The following FOCAD variants were observed in gnomAD, a reference collection of about 807,000 sequenced individuals.
FOCAD encodes the protein focadhesin.
Under a neutral mutation model 225.6 loss-of-function variants are expected in FOCAD, and 198 were observed. The observed-to-expected ratio is 0.88, with a 90% CI of 0.78 to 0.99. The LOEUF (loss-of-function observed/expected upper bound fraction) is 0.99, where lower values mean the gene tolerates loss of function less well. FOCAD is among the 50% of genes least tolerant of loss of function. The probability of loss-of-function intolerance (pLI) is 0.00; values close to 1 mark genes in which losing one functional copy is unlikely to be tolerated. For synonymous variants in FOCAD, 897 were observed against 755.0 expected, an observed-to-expected ratio of 1.19 and a Z score of -3.08; for missense variants, 2,713 against 2,123.6, an observed-to-expected ratio of 1.28 and a Z score of -5.46.
intron 4 of FOCAD, among the ~76,000 whole-genome samples, chr9:20,730,371 A>C (rs1826586386): frequency 6.6e-6 from 1 of 152,182 alleles, no homozygotes; most frequent in South Asian, 2.1e-4. Flanking sequence ...TAGGAAAGGC[A>C]GGATATATAT....
At chr9:20,798,667 T>C (rs1821416502) in intron 11 of FOCAD, among the ~76,000 whole-genome samples, 1 of 152,210 alleles carries the variant, frequency 6.6e-6, no homozygotes, top group Non-Finnish European at 1.5e-5. Context: ...GATGGTAGTT[T>C]GTATCTCTGT....
At chr9:20,696,186 A>T (rs920522355) in intron 1 of FOCAD, among the ~76,000 whole-genome samples, 2 of 152,224 alleles carry the variant, frequency 1.3e-5, no homozygotes, top group Non-Finnish European at 2.9e-5. Context: ...AATCTTACCA[A>T]ATATTTCTGA....
intron 36 of FOCAD, 22 bp from the exon 37 acceptor site, chr9:20,978,317 C>A (rs758592236): frequency 2.0e-6 from 3 of 1,518,742 alleles, no homozygotes; most frequent in Non-Finnish European, 2.7e-6. Flanking sequence ...ATATTCAATT[C>A]TTTTCCTTTC....
At chr9:20,659,324 C>T (rs1821627261) in intron 2 of FOCAD, among the ~76,000 whole-genome samples, 1 of 149,048 alleles carries the variant, frequency 6.7e-6, no homozygotes, top group Non-Finnish European at 1.5e-5. Context: ...TGAGAATCGC[C>T]TGAACATGGG....
chr9:20,907,321 T>G, intron 22 of FOCAD, 79 bp downstream of exon 22: 1 of 1,197,330 alleles, frequency 8.4e-7, no homozygotes, highest in Non-Finnish European at 1.2e-6. Context: ...GTATTTAATA[T>G]AAAAGCACTT....
intron 37 of FOCAD, among the ~76,000 whole-genome samples, chr9:20,979,187 G>T (rs1199951785): frequency 6.6e-6 from 1 of 152,226 alleles, no homozygotes; most frequent in Non-Finnish European, 1.5e-5. Context: ...TTTACCAGTT[G>T]ATGTAAGTTA....
At chr9:20,660,988 A>G (rs920736353) in intron 2 of FOCAD, among the ~76,000 whole-genome samples, 1 of 152,172 alleles carries the variant, frequency 6.6e-6, no homozygotes, top group Non-Finnish European at 1.5e-5. Context: ...AGACCACGGG[A>G]AAGGAGTCAG....
At position 20,717,968 on chromosome 9, in the gene FOCAD, G is replaced by A. The variant is rs894960739; in HGVS notation, c.132+100G>A. 26 of 871,222 alleles carry A rather than the reference G, an allele frequency of 3.0e-5. No individual in the cohort carries two copies. The Middle Eastern group carries it at 6.8e-4, about 23-fold the overall frequency. 54.0% of individuals were successfully genotyped at this position (871,222 alleles called of 1,614,324 possible). On this transcript the variant is annotated intron_variant, in intron 3 of 43. Transcript: ENST00000338382. ...TGTTTCCCTGATAGTTCAGATCACA[G>A]TAGAAATGCTTTTGAACTGTGAGAA...
intron 10 of FOCAD, among the ~76,000 whole-genome samples, chr9:20,784,043 TAA>T (rs919236818): frequency 1.3e-5 from 2 of 152,118 alleles, no homozygotes; most frequent in African/African-American, 4.8e-5. Context: ...AGGAAGGAAC[TAA>T]AAAGTCTCCC....
intron 7 of FOCAD, among the ~76,000 whole-genome samples, chr9:20,767,191 A>C (rs1362935129): frequency 1.3e-5 from 2 of 151,026 alleles, no homozygotes; most frequent in Non-Finnish European, 3.0e-5. Context: ...TCCATGGTGT[A>C]TATGTGCCAC....
At chr9:20,787,810 A>G (rs1386843900) in intron 10 of FOCAD, among the ~76,000 whole-genome samples, 1 of 149,304 alleles carries the variant, frequency 6.7e-6, no homozygotes, top group Non-Finnish European at 1.5e-5. Flanking sequence ...TTTTCTCCTC[A>G]CTCTCTTTGA....
chr9:20,961,038 G>A (rs1349706463), intron 35 of FOCAD, among the ~76,000 whole-genome samples: 1 of 151,918 alleles, frequency 6.6e-6, no homozygotes, highest in Non-Finnish European at 1.5e-5. Flanking sequence ...ATTGTGAATA[G>A]TGCCACAATA....
intron 15 of FOCAD, among the ~76,000 whole-genome samples, chr9:20,823,643 T>C (rs1277528776): frequency 6.6e-6 from 1 of 152,060 alleles, no homozygotes; most frequent in Admixed American, 6.6e-5. Flanking sequence ...GAATCTACTG[T>C]TTTAGAGAAA....
intron 35 of FOCAD, among the ~76,000 whole-genome samples, chr9:20,958,549 A>G (rs1485605496): frequency 6.6e-6 from 1 of 151,786 alleles, no homozygotes; most frequent in African/African-American, 2.4e-5. Flanking sequence ...GGAACATTCA[A>G]TTCCTCCTCC....
intron 2 of FOCAD, among the ~76,000 whole-genome samples, chr9:20,678,771 A>G (rs562729256): frequency 6.6e-6 from 1 of 152,092 alleles, no homozygotes; most frequent in African/African-American, 2.4e-5. Flanking sequence ...TTGTAACTAC[A>G]CTCTCTCCTT....
At chr9:20,965,903 G>C (rs1188035837) in intron 35 of FOCAD, among the ~76,000 whole-genome samples, 1 of 152,186 alleles carries the variant, frequency 6.6e-6, no homozygotes, top group East Asian at 1.9e-4. Flanking sequence ...CCATTGCATG[G>C]GTATGCCACA....
chr9:20,914,275 C>A (rs1168588443), intron 23 of FOCAD, among the ~76,000 whole-genome samples: 1 of 152,132 alleles, frequency 6.6e-6, no homozygotes, highest in Admixed American at 6.5e-5. Context: ...AGGCACTGTT[C>A]TAAGCACAGA....
At chr9:20,953,654 T>C (rs1837884190) in intron 35 of FOCAD, among the ~76,000 whole-genome samples, 1 of 152,222 alleles carries the variant, frequency 6.6e-6, no homozygotes, top group Non-Finnish European at 1.5e-5. Flanking sequence ...ATGTAACTTA[T>C]TGAATAAATG....
intron 35 of FOCAD, among the ~76,000 whole-genome samples, chr9:20,967,286 G>T (rs1352032776): frequency 5.3e-5 from 8 of 152,050 alleles, no homozygotes; most frequent in Admixed American, 5.2e-4. Context: ...GCTATTGCAA[G>T]TGGAATTTTT....
Sources: gnomAD v4.1 joint callset for allele counts (sites outside exome capture counted in the v4.1 genomes callset) on GRCh38, gnomAD v4.1.1 for gene constraint, MANE v1.5 for transcripts, NCBI Gene and HGNC (gene_info 2026-07-23, HGNC 2026-07-21) for gene names.